Variants in PPP2R2C observed in about 807,000 individuals in gnomAD.
PPP2R2C encodes the protein protein phosphatase 2 regulatory subunit Bgamma.
Under a neutral mutation model 45.3 loss-of-function variants are expected in PPP2R2C, and 10 were observed. The observed-to-expected ratio is 0.22, with a 90% CI of 0.14 to 0.37. The LOEUF is 0.37. Ranked by LOEUF, PPP2R2C falls within the 10% of genes least tolerant of loss-of-function variation. The pLI is 1.00. For synonymous variants in PPP2R2C, 257 were observed against 245.4 expected, an observed-to-expected ratio of 1.05 and a Z score of -0.44; for missense variants, 308 against 619.7, an observed-to-expected ratio of 0.50 and a Z score of 5.34.
chr4:6,382,571 G>A, intron 1 of PPP2R2C: 1 of 1,307,994 alleles, frequency 7.6e-7, no homozygotes, highest in Non-Finnish European at 1.0e-6. Context: ...AGTCTCAGGT[G>A]ATGACAGCTC....
intron 1 of PPP2R2C, among the ~76,000 whole-genome samples, chr4:6,536,223 G>A (rs1324137794): frequency 1.3e-5 from 2 of 152,304 alleles, no homozygotes; most frequent in East Asian, 3.9e-4. Context: ...TGTTTCAGGG[G>A]CACACAAAGT....
At chr4:6,411,804 G>A (rs569001754) in intron 1 of PPP2R2C, among the ~76,000 whole-genome samples, 52 of 151,808 alleles carry the variant, frequency 3.4e-4, no homozygotes, top group Admixed American at 2.6e-3. Context: ...CGCCCACCTC[G>A]GCCTCCCAAA....
At chr4:6,532,351 G>T (rs1351251000) in intron 2 of PPP2R2C, among the ~76,000 whole-genome samples, 1 of 152,202 alleles carries the variant, frequency 6.6e-6, no homozygotes, top group Non-Finnish European at 1.5e-5. Context: ...TGATGCCCAG[G>T]CCAGGGTTCT....
chr4:6,541,369 C>T (rs940545729), intron 1 of PPP2R2C, among the ~76,000 whole-genome samples: 1 of 151,860 alleles, frequency 6.6e-6, no homozygotes, highest in Non-Finnish European at 1.5e-5. Context: ...TACTAGAATA[C>T]AGGTCAAGAT....
intron 2 of PPP2R2C, among the ~76,000 whole-genome samples, chr4:6,478,387 G>A (rs138278438): frequency 3.9e-5 from 6 of 152,298 alleles, no homozygotes; most frequent in African/African-American, 9.6e-5. Context: ...AGTGACTAGC[G>A]TCTCTTCTGA....
At chr4:6,393,789 C>T (rs1292719610) in intron 1 of PPP2R2C, among the ~76,000 whole-genome samples, 1 of 152,122 alleles carries the variant, frequency 6.6e-6, no homozygotes, top group Non-Finnish European at 1.5e-5. Flanking sequence ...GGGAGGTGGA[C>T]GGGGTAGTTG....
intron 1 of PPP2R2C, among the ~76,000 whole-genome samples, chr4:6,424,843 A>G (rs1441271024): frequency 6.6e-6 from 1 of 152,156 alleles, no homozygotes; most frequent in African/African-American, 2.4e-5. Context: ...TGGAGGTGAG[A>G]GTGAGCCAAG....
At chr4:6,479,578 G>A (rs1480186645) in intron 2 of PPP2R2C, among the ~76,000 whole-genome samples, 4 of 152,190 alleles carry the variant, frequency 2.6e-5, no homozygotes, top group Non-Finnish European at 4.4e-5. Context: ...GCCCCTGCAC[G>A]AGTAACACTT....
Position 6,348,017 on chromosome 4 carries a change from G to T in PPP2R2C, c.626-7C>A, listed in dbSNP as rs1712165666. On this transcript the variant is annotated splice_region_variant and splice_polypyrimidine_tract_variant and intron_variant, in intron 5 of 8. Transcript: ENST00000382599. ...GGCTTGATGTCCACGATGTCTGGGG[G>T]CAGTGCGGTCAAGGAAGGGGCAGTG... The T allele has an allele frequency of 1.9e-6, 3 of 1,613,382 alleles. No individual in the cohort carries two copies. In the South Asian group the frequency reaches 3.3e-5, roughly 18 times the overall value.
chr4:6,503,122 T>A (rs113614340), intron 2 of PPP2R2C, among the ~76,000 whole-genome samples: 4,242 of 152,280 alleles, frequency 0.028, 217 homozygotes, highest in African/African-American at 0.097. Flanking sequence ...AACAGCTTCC[T>A]GTCCACTGCA....
At chr4:6,448,138 C>T (rs182776044) in intron 1 of PPP2R2C, among the ~76,000 whole-genome samples, 108 of 152,270 alleles carry the variant, frequency 7.1e-4, no homozygotes, top group Admixed American at 1.0e-3. Flanking sequence ...AAGATCGTCA[C>T]GGCAGTCATT....
chr4:6,467,076 G>A (rs1337080284), intron 1 of PPP2R2C, among the ~76,000 whole-genome samples: 3 of 152,138 alleles, frequency 2.0e-5, no homozygotes, highest in Non-Finnish European at 4.4e-5. Context: ...TGATTTGATG[G>A]AGGGCACCCC....
intron 1 of PPP2R2C, among the ~76,000 whole-genome samples, chr4:6,390,617 CTGAG>C (rs1006434166): frequency 6.6e-6 from 1 of 152,220 alleles, no homozygotes; most frequent in Admixed American, 6.5e-5. Context: ...GACATCAGCA[CTGAG>C]TGAGTGACGG....
chr4:6,488,917 T>A (rs1357946679), intron 2 of PPP2R2C, among the ~76,000 whole-genome samples: 1 of 152,148 alleles, frequency 6.6e-6, no homozygotes, highest in Non-Finnish European at 1.5e-5. Context: ...CACAGGTCCT[T>A]TTGGGGGTTC....
intron 6 of PPP2R2C, among the ~76,000 whole-genome samples, chr4:6,337,076 A>G (rs1231733152): frequency 1.0e-5 from 1 of 100,474 alleles, no homozygotes; most frequent in Non-Finnish European, 2.0e-5. Flanking sequence ...CGATAATAAT[A>G]ATTAAATTGG....
chr4:6,541,735 G>A (rs575456890), intron 1 of PPP2R2C, among the ~76,000 whole-genome samples: 1 of 152,230 alleles, frequency 6.6e-6, no homozygotes, highest in East Asian at 1.9e-4. Flanking sequence ...TAGTAGAGTT[G>A]GCCAGGCTGG....
At chr4:6,354,441 G>A (rs952713566) in intron 5 of PPP2R2C, among the ~76,000 whole-genome samples, 4 of 152,066 alleles carry the variant, frequency 2.6e-5, no homozygotes, top group Admixed American at 1.3e-4. Flanking sequence ...CATCTGTCCC[G>A]CCCTGCAGTC....
chr4:6,538,357 G>A (rs576181394), intron 1 of PPP2R2C, among the ~76,000 whole-genome samples: 6 of 151,962 alleles, frequency 3.9e-5, no homozygotes, highest in African/African-American at 9.7e-5. Context: ...GGTGCCCGCC[G>A]CCCATCTGCC....
At chr4:6,351,782 G>A (rs778444965) in intron 5 of PPP2R2C, among the ~76,000 whole-genome samples, 1 of 152,128 alleles carries the variant, frequency 6.6e-6, no homozygotes, top group Non-Finnish European at 1.5e-5. Flanking sequence ...CCAGAGCCGT[G>A]CCCAGAACCT....
Sources: gnomAD v4.1 joint callset for allele counts (sites outside exome capture counted in the v4.1 genomes callset) on GRCh38, gnomAD v4.1.1 for gene constraint, MANE v1.5 for transcripts, NCBI Gene and HGNC (gene_info 2026-07-23, HGNC 2026-07-21) for gene names.